Variants in CDC42BPB observed in about 807,000 individuals in gnomAD.
CDC42BPB encodes the protein CDC42 binding protein kinase beta.
CDC42BPB carries 37 observed loss-of-function variants against 214.9 expected under a neutral mutation model. The observed-to-expected ratio is 0.17, with a 90% CI of 0.13 to 0.23. The LOEUF is 0.23. Among genes scored for constraint, CDC42BPB ranks in the 10% least tolerant of loss-of-function variants. The probability of loss-of-function intolerance (pLI) is 1.00; values close to 1 mark genes in which losing one functional copy is unlikely to be tolerated. For synonymous variants in CDC42BPB, 931 were observed against 884.0 expected (o/e 1.05, Z -0.94); for missense variants, 1,694 against 2,227.0 (o/e 0.76, Z 4.82).
intron 4 of CDC42BPB, 184 bp from the exon 5 acceptor site, chr14:102,999,897 G>A (rs924119689): frequency 2.1e-5 from 21 of 985,266 alleles, no homozygotes; most frequent in Middle Eastern, 5.2e-4. Flanking sequence ...CCACGACGCC[G>A]CCATCTTCAG....
At chr14:102,977,071 G>GT (rs1893779386) in intron 9 of CDC42BPB, among the ~76,000 whole-genome samples, 1 of 152,166 alleles carries the variant, frequency 6.6e-6, no homozygotes, top group African/African-American at 2.4e-5. Context: ...GCCGGGCGCG[G>GT]TGGCTCACGC....
In CDC42BPB at chr14:102,954,215, C is replaced by A. The variant is rs1306175978; in HGVS notation, c.3049G>T (p.Ala1017Ser). 7 of 1,549,214 alleles carry A rather than the reference C, an allele frequency of 4.5e-6. No homozygotes were observed. The highest frequency in any genetic ancestry group is 2.0e-5 in the Admixed American group (1 of 50,540). Residue 1017 changes from alanine to serine, a missense_variant, in exon 23 of 37, where the codon GCT becomes TCT. Physicochemically the swap from Ala to Ser is moderately conservative, Grantham distance 99 (BLOSUM62 1). Coordinates refer to ENST00000361246, the MANE Select transcript of CDC42BPB (RefSeq NM_006035.4). Reference protein sequence around the residue: ...AVPLPTTQALALAGPKPKAHQ... With the variant: ...AVPLPTTQALSLAGPKPKAHQ... ...GCCCCTACCTTCGGTCCAGCCAGAGCCAGGGCCTGCGTGGTGGGCAACGGC... is the reference window on the plus strand; with the variant it reads ...GCCCCTACCTTCGGTCCAGCCAGAGACAGGGCCTGCGTGGTGGGCAACGGC...
In CDC42BPB at chr14:102,954,190, GC is replaced by G; in HGVS notation, c.3066+7del. ...AGAAGGCGCCCCGGGTGAAAGCAAG[GC>G]CCCTACCTTCGGTCCAGCCAGAGCC... is the stretch of plus-strand genomic sequence containing the variant. On this transcript the variant is annotated splice_region_variant and intron_variant, in intron 23 of 36. Transcript: ENST00000361246. The G allele has an allele frequency of 6.5e-7, 1 of 1,541,228 alleles. No homozygotes were observed.
intron 1 of CDC42BPB, among the ~76,000 whole-genome samples, chr14:103,028,857 A>G (rs929208042): frequency 2.6e-5 from 4 of 152,232 alleles, no homozygotes; most frequent in Non-Finnish European, 2.9e-5. Context: ...TAGTGACAAG[A>G]AAAACAAATT....
intron 21 of CDC42BPB, among the ~76,000 whole-genome samples, chr14:102,956,652 A>T: frequency 6.6e-6 from 1 of 152,120 alleles, no homozygotes; most frequent in African/African-American, 2.4e-5. Context: ...CAATATAGCA[A>T]GAATCCATCT....
At chr14:102,967,000 T>A (rs1893237340) in intron 17 of CDC42BPB, 46 bp downstream of exon 17, 1 of 1,595,820 alleles carries the variant, frequency 6.3e-7, no homozygotes. Flanking sequence ...CCCCATGGAC[T>A]GAGCAGGGAG....
chr14:102,944,596 G>C lies in CDC42BPB; in HGVS notation c.3812-109C>G, dbSNP rs985344200. 24 of 1,485,248 alleles carry C rather than the reference G, an allele frequency of 1.6e-5. No homozygotes were observed. Among genetic ancestry groups the C allele is most frequent in the Non-Finnish European group, 2.1e-5 (23 of 1,119,916 alleles). 92.0% of individuals were successfully genotyped at this position (1,485,248 alleles called of 1,614,324 possible). The stretch of plus-strand genomic sequence containing the variant: ...TGGAACACTCTGGGGCCCTCCCCTG[G>C]GCTCCCTTCCTGTGTGCACAGCCTG... On this transcript the variant is annotated intron_variant, in intron 29 of 36. Coordinates refer to ENST00000361246, the MANE Select transcript of CDC42BPB (RefSeq NM_006035.4). This position sits in a 1 kb window ranked among gnomAD's most constrained non-coding sequence, Gnocchi z 6.6.
At chr14:103,048,482 A>G (rs1888417145) in intron 1 of CDC42BPB, among the ~76,000 whole-genome samples, 1 of 139,456 alleles carries the variant, frequency 7.2e-6, no homozygotes, top group South Asian at 2.4e-4. Context: ...AGGTCAGGAG[A>G]TGGAGACCAT....
chr14:102,968,932 G>T (rs1186226627), intron 14 of CDC42BPB: 6 of 972,326 alleles, frequency 6.2e-6, no homozygotes, highest in Non-Finnish European at 7.3e-6. Context: ...GCCCAGGTCT[G>T]CCTGGGACCC....
chr14:102,936,286 A>G (rs575097250), intron 36 of CDC42BPB, among the ~76,000 whole-genome samples: 1 of 152,370 alleles, frequency 6.6e-6, no homozygotes, highest in Admixed American at 6.5e-5. Flanking sequence ...TCAAACACAT[A>G]TGTGCACACA....
chr14:102,936,942 G>A (rs2139335887), intron 36 of CDC42BPB: 1 of 152,368 alleles, frequency 6.6e-6, no homozygotes, highest in African/African-American at 2.4e-5. Flanking sequence ...GGAGGCCAAG[G>A]TAGGAGGACA....
In CDC42BPB at chr14:102,980,755, C is replaced by T. The variant is rs199506053; in HGVS notation, c.1140+18G>A. ...GACCCACAGCCAGCAACCCTGAGAA[C>T]GGTGCTTTCACACTCACCGTGTTTC... is the stretch of plus-strand genomic sequence containing the variant. On this transcript the variant is annotated intron_variant, in intron 8 of 36. Transcript: ENST00000361246. The T allele has an allele frequency of 3.2e-4, 508 of 1,612,662 alleles. 2 individuals carry two copies. Among genetic ancestry groups the T allele is most frequent in the Non-Finnish European group, 3.5e-4 (416 of 1,178,832 alleles).
At chr14:102,954,152 A>C (rs1349575942) in intron 23 of CDC42BPB, 46 bp downstream of exon 23, 1 of 1,195,424 alleles carries the variant, frequency 8.4e-7, no homozygotes, top group Admixed American at 2.0e-5. Flanking sequence ...ATAAATAAAC[A>C]ACTAAATAAC....
chr14:102,982,353 C>A (rs889592897), intron 7 of CDC42BPB, among the ~76,000 whole-genome samples: 1 of 152,198 alleles, frequency 6.6e-6, no homozygotes, highest in Non-Finnish European at 1.5e-5. Context: ...GTGGGAGGCC[C>A]TGGCTGGAGG....
At chr14:103,047,982 G>A (rs1180850362) in intron 1 of CDC42BPB, among the ~76,000 whole-genome samples, 2 of 151,666 alleles carry the variant, frequency 1.3e-5, no homozygotes, top group Non-Finnish European at 2.9e-5. Flanking sequence ...GCTACTAGAA[G>A]ATTCACTCCA....
intron 1 of CDC42BPB, among the ~76,000 whole-genome samples, chr14:103,053,717 C>A (rs572745475): frequency 1.2e-4 from 18 of 150,354 alleles, no homozygotes; most frequent in East Asian, 5.9e-4. Flanking sequence ...AGCCGAGATC[C>A]CGCCACTGCA....
chr14:102,966,161 G>T, intron 18 of CDC42BPB, 121 bp downstream of exon 18: 2 of 681,126 alleles, frequency 2.9e-6, no homozygotes, highest in Admixed American at 2.7e-5. Context: ...TGGGGAACTG[G>T]TTACACAGAA....
chr14:102,964,496 A>G lies in CDC42BPB; in HGVS notation c.2726+6T>C. The G allele has an allele frequency of 6.2e-7, 1 of 1,613,298 alleles. No homozygotes were observed. The highest frequency in any genetic ancestry group is 1.1e-5 in the South Asian group (1 of 91,042). Reference sequence around the variant, plus strand: ...CTACCTGGAGTCAGACCCTGGCACCAAGTACCTTTCCAAGGTGAGGTTGGC... The same window carrying G: ...CTACCTGGAGTCAGACCCTGGCACCGAGTACCTTTCCAAGGTGAGGTTGGC... On this transcript the variant is annotated splice_donor_region_variant and intron_variant, in intron 19 of 36. Coordinates refer to ENST00000361246, the MANE Select transcript of CDC42BPB (RefSeq NM_006035.4).
intron 1 of CDC42BPB, chr14:103,012,396 CTG>C (rs1886208346): frequency 2.2e-6 from 1 of 461,918 alleles, no homozygotes; most frequent in Non-Finnish European, 2.8e-6. Context: ...CTGGGTAACA[CTG>C]TTGCAGCCAC....
Sources: gnomAD v4.1 joint callset for allele counts (sites outside exome capture counted in the v4.1 genomes callset) on GRCh38, gnomAD v4.1.1 for gene constraint, Gnocchi (gnomAD v3.1) non-coding constraint, MANE v1.5 for transcripts, NCBI Gene and HGNC (gene_info 2026-07-23, HGNC 2026-07-21) for gene names.